Variants in AGK observed in about 807,000 individuals in gnomAD.
AGK encodes acylglycerol kinase, mitochondrial.
A neutral mutation model predicts 66.4 loss-of-function variants in AGK; 52 were observed. The observed-to-expected ratio is 0.78, with a 90% CI of 0.63 to 0.99. AGK has a LOEUF of 0.99. Among genes scored for constraint, AGK ranks in the 50% least tolerant of loss-of-function variants. AGK has a pLI of 0.00. For synonymous variants in AGK, 182 were observed against 181.1 expected, an observed-to-expected ratio of 1.00 and a Z score of -0.04; for missense variants, 451 against 506.6, an observed-to-expected ratio of 0.89 and a Z score of 1.05.
chr7:141,650,321 G>C (rs1446599861), intron 14 of AGK, among the ~76,000 whole-genome samples: 1 of 152,224 alleles, frequency 6.6e-6, no homozygotes, highest in South Asian at 2.1e-4. Context: ...TTCATTGACA[G>C]TCTGGCCAGT....
In AGK at chr7:141,616,262, A is replaced by G. The variant is rs150086799; in HGVS notation, c.518+697A>G. On this transcript the variant is annotated intron_variant, in intron 8 of 15. Transcript: ENST00000649286. ...CATCATTTTGAGCAAATAGTTGTCA[A>G]GAAGACCCAAATAAATGGAGAGATA... 3.3e-5 allele frequency: 5 copies of G among 152,344 alleles called. No homozygotes were observed. In the East Asian group the frequency reaches 9.6e-4, roughly 29 times the overall value. The allele number at this position is 152,344 out of a possible 1,614,324, so 9.4% of individuals were successfully genotyped here.
chr7:141,633,326 ATT>A (rs1161083768), intron 9 of AGK, among the ~76,000 whole-genome samples: 3 of 152,156 alleles, frequency 2.0e-5, no homozygotes, highest in Non-Finnish European at 2.9e-5. Context: ...TTTTCTATAT[ATT>A]GCTTAATTCA....
In AGK at chr7:141,602,447, G is replaced by C. The variant is rs190072514; in HGVS notation, c.297+1167G>C. ...GTAAGGTAAATTCTTCAAGGAATTT[G>C]TTTCATCTAAATTTTCAAATTAATT... On this transcript the variant is annotated intron_variant, in intron 5 of 15. Transcript: ENST00000649286. 1.2e-3 allele frequency among the ~76,000 whole-genome samples: 181 copies of C among 152,072 alleles called. 1 individual carries two copies. The highest frequency in any genetic ancestry group is 4.0e-4 in the Non-Finnish European group (27 of 67,998).
chr7:141,626,226 A>C (rs1018096199), intron 9 of AGK, among the ~76,000 whole-genome samples: 2 of 152,236 alleles, frequency 1.3e-5, no homozygotes, highest in African/African-American at 4.8e-5. Context: ...GACTCTTTGA[A>C]TATTACAAAG....
chr7:141,562,100 G>A (rs886780527), intron 2 of AGK: 1 of 455,920 alleles, frequency 2.2e-6, no homozygotes, highest in African/African-American at 2.0e-5. Flanking sequence ...AGGATCCTTG[G>A]CTATAGATAG....
intron 13 of AGK, among the ~76,000 whole-genome samples, chr7:141,647,001 C>T (rs1797426526): frequency 6.6e-6 from 1 of 152,156 alleles, no homozygotes; most frequent in South Asian, 2.1e-4. Context: ...TATGCTGGGC[C>T]TGGTGACTTG....
At chr7:141,650,652 G>A in intron 14 of AGK, 2 of 985,400 alleles carry the variant, frequency 2.0e-6, no homozygotes, top group Non-Finnish European at 2.4e-6. Context: ...ATCTGCATGA[G>A]GTGGAGTGTG....
At chr7:141,637,533 C>T (rs766695239) in intron 11 of AGK, among the ~76,000 whole-genome samples, 3 of 152,088 alleles carry the variant, frequency 2.0e-5, no homozygotes, top group Non-Finnish European at 4.4e-5. Context: ...GGCACTGCTA[C>T]TCTATATGAT....
intron 11 of AGK, among the ~76,000 whole-genome samples, chr7:141,638,341 C>T (rs1797217871): frequency 6.6e-6 from 1 of 152,004 alleles, no homozygotes; most frequent in Non-Finnish European, 1.5e-5. Context: ...TGTGACATGG[C>T]CCTTAATTAT....
At chr7:141,622,096 T>A (rs1343494930) in intron 9 of AGK, among the ~76,000 whole-genome samples, 1 of 151,506 alleles carries the variant, frequency 6.6e-6, no homozygotes, top group Non-Finnish European at 1.5e-5. Context: ...TTAGCTACTT[T>A]TTTTTTTTTT....
At chr7:141,565,190 C>G (rs766390461) in intron 2 of AGK, among the ~76,000 whole-genome samples, 2 of 152,178 alleles carry the variant, frequency 1.3e-5, no homozygotes, top group Non-Finnish European at 2.9e-5. Context: ...AGATTTTTGT[C>G]TCTATAAAGA....
chr7:141,614,191 G>A lies in AGK; in HGVS notation c.423+13G>A, dbSNP rs181989817. 1.5e-5 allele frequency: 22 copies of A among 1,497,178 alleles called. No homozygotes were observed. Among genetic ancestry groups the A allele is most frequent in the South Asian group, 1.4e-4 (11 of 77,140 alleles). The allele number at this position is 1,497,178 out of a possible 1,614,324, so 92.7% of individuals were successfully genotyped here. A position where few individuals can be genotyped will look rare whatever the true frequency, so the allele number is the denominator to read the frequency against. ...ACGAACAGATGAGGTGAGCATTAAA[G>A]AGTAATTGCATTTTAACTTTTATTT... On this transcript the variant is annotated intron_variant, in intron 7 of 15. Coordinates refer to ENST00000649286, the MANE Select transcript of AGK (RefSeq NM_018238.4).
chr7:141,558,384 C>T (rs558213690), intron 2 of AGK, among the ~76,000 whole-genome samples: 13 of 151,524 alleles, frequency 8.6e-5, no homozygotes, highest in Non-Finnish European at 1.6e-4. Flanking sequence ...CCGCTGGTCT[C>T]GAACTCCTGA....
chr7:141,586,927 A>G (rs984578004), intron 2 of AGK, among the ~76,000 whole-genome samples: 1 of 152,136 alleles, frequency 6.6e-6, no homozygotes, highest in African/African-American at 2.4e-5. Context: ...ATAGATCATC[A>G]TATCCACTCT....
Position 141,589,751 on chromosome 7 carries a change from G to A in AGK, c.102-3395G>A, listed in dbSNP as rs1796069608. On this transcript the variant is annotated intron_variant, in intron 2 of 15. Coordinates refer to ENST00000649286, the MANE Select transcript of AGK (RefSeq NM_018238.4). ...AATTTTGTATTTTTAGTAGAGACGG[G>A]GTTTCACCATGTTGGTCAAGCTGGT... 6.6e-5 allele frequency among the ~76,000 whole-genome samples: 10 copies of A among 152,164 alleles called. No homozygotes were observed. The South Asian group carries it at 2.1e-3, about 32-fold the overall frequency.
At chr7:141,627,210 T>G (rs116527689) in intron 9 of AGK, among the ~76,000 whole-genome samples, 2,088 of 152,294 alleles carry the variant, frequency 0.014, 63 homozygotes, top group African/African-American at 0.046. Flanking sequence ...TATTAAAAAA[T>G]AATTTAATTC....
chr7:141,651,302 A>T (rs1797551640), intron 14 of AGK, among the ~76,000 whole-genome samples: 1 of 152,222 alleles, frequency 6.6e-6, no homozygotes, highest in Admixed American at 6.5e-5. Context: ...CATTTCAGAG[A>T]AAGTCATAAC....
At position 141,628,674 on chromosome 7, in the gene AGK, G is replaced by A. The variant is rs548755155; in HGVS notation, c.589-5227G>A. ...CAGTGAGGAAGTCGAGGTGAGATTCGTATCCTCATTTGACAGGTTAGGGAA... is the reference window on the plus strand; with the variant it reads ...CAGTGAGGAAGTCGAGGTGAGATTCATATCCTCATTTGACAGGTTAGGGAA... On this transcript the variant is annotated intron_variant, in intron 9 of 15. Transcript: ENST00000649286. Among the ~76,000 whole-genome samples, 9 of 152,244 alleles carry A rather than the reference G, an allele frequency of 5.9e-5. No homozygotes were observed. The South Asian group carries it at 8.3e-4, about 14-fold the overall frequency.
At chr7:141,646,406 C>T (rs1298463169) in intron 13 of AGK, among the ~76,000 whole-genome samples, 1 of 152,150 alleles carries the variant, frequency 6.6e-6, no homozygotes, top group African/African-American at 2.4e-5. Context: ...AGACATGGGG[C>T]ATTGGGTAGT....
Sources: allele counts gnomAD v4.1 joint callset (sites outside exome capture counted in the v4.1 genomes callset), GRCh38; gene constraint gnomAD v4.1.1; transcripts MANE v1.5; gene names NCBI Gene and HGNC (gene_info 2026-07-23, HGNC 2026-07-21).